The following FUT8 variants were observed in gnomAD, a reference collection of about 807,000 sequenced individuals.
The protein encoded by FUT8 is fucosyltransferase 8.
A neutral mutation model predicts 71.3 loss-of-function variants in FUT8; 29 were observed. The observed-to-expected ratio is 0.41, with a 90% CI of 0.30 to 0.55. The LOEUF is 0.55. FUT8 is among the 20% of genes least tolerant of loss of function. The pLI, the probability that FUT8 is intolerant of heterozygous loss-of-function variation, is 0.34. For synonymous variants in FUT8, 254 were observed against 239.3 expected (o/e 1.06, Z -0.57); for missense variants, 544 against 702.1 (o/e 0.77, Z 2.55).
Position 65,412,789 on chromosome 14 carries a change from C to T in FUT8, c.-751C>T, listed in dbSNP as rs1208623441. ...CCCCGCCTGCGCTCGTTGTCAGAGCCGCTCCGGCGCGTGCGCGCGTTATCT... is the reference window on the plus strand; with the variant it reads ...CCCCGCCTGCGCTCGTTGTCAGAGCTGCTCCGGCGCGTGCGCGCGTTATCT... On this transcript the variant is annotated 5_prime_UTR_variant, in exon 1 of 11. Coordinates refer to ENST00000673929, the MANE Select transcript of FUT8 (RefSeq NM_001371533.1). 1 of 169,274 alleles carries T rather than the reference C, an allele frequency of 5.9e-6. No individual in the cohort carries two copies. The highest frequency in any genetic ancestry group is 6.4e-5 in the Admixed American group (1 of 15,536). The allele number at this position is 169,274 out of a possible 1,614,324, so 10.5% of individuals were successfully genotyped here. A position where few individuals can be genotyped will look rare whatever the true frequency, so the allele number is the denominator to read the frequency against.
At chr14:65,696,705 A>G (rs906934541) in intron 7 of FUT8, among the ~76,000 whole-genome samples, 3 of 151,888 alleles carry the variant, frequency 2.0e-5, no homozygotes, top group Non-Finnish European at 2.9e-5. Context: ...CATTACATGT[A>G]TGTCCACCTT....
At chr14:65,624,435 A>C (rs1442659379) in intron 5 of FUT8, among the ~76,000 whole-genome samples, 1 of 152,242 alleles carries the variant, frequency 6.6e-6, no homozygotes, top group Admixed American at 6.5e-5. Flanking sequence ...ATTTATTAAA[A>C]AAAGTAGAGA....
chr14:65,680,293 T>C (rs1721508520), intron 7 of FUT8, among the ~76,000 whole-genome samples: 1 of 152,242 alleles, frequency 6.6e-6, no homozygotes, highest in Admixed American at 6.5e-5. Context: ...CCTAAAGATA[T>C]TCTCTTATGT....
chr14:65,711,094 C>T (rs1444847224), intron 7 of FUT8, among the ~76,000 whole-genome samples: 1 of 152,298 alleles, frequency 6.6e-6, no homozygotes, highest in Non-Finnish European at 1.5e-5. Context: ...CCACCTCCAG[C>T]ACTCCAACAC....
At chr14:65,362,337 G>T in the FUT8 span, among the ~76,000 whole-genome samples, 1 of 152,190 alleles carries the variant, frequency 6.6e-6, no homozygotes, top group African/African-American at 2.4e-5. Context: ...TTGAGGGAAA[G>T]AATACAGGAA....
Position 65,616,068 on chromosome 14 carries a change from A to C in FUT8, c.294A>C (p.Glu98Asp). 1 of 1,613,978 alleles carries C rather than the reference A, an allele frequency of 6.2e-7. No individual in the cohort carries two copies. Among genetic ancestry groups the C allele is most frequent in the Non-Finnish European group, 8.5e-7 (1 of 1,179,884 alleles). Residue 98 changes from glutamate (E) to aspartate (D), a missense_variant, in exon 4 of 11, where the codon GAA (glutamate) becomes GAC (aspartate). Glu to Asp is a conservative substitution (Grantham distance 45). Coordinates refer to ENST00000673929, the MANE Select transcript of FUT8 (RefSeq NM_001371533.1). ...TTGTTAAGGCCAAAGAACAGATTGAAAATTACAAGAAACAGACCAGAAATG... is the reference window on the plus strand; with the variant it reads ...TTGTTAAGGCCAAAGAACAGATTGACAATTACAAGAAACAGACCAGAAATG... Reference protein sequence around the residue: ...EQLVKAKEQIENYKKQTRNGL... With the variant: ...EQLVKAKEQIDNYKKQTRNGL...
rs1025622312 is a variant in FUT8, at chr14:65,539,819, A to G, written c.-227-21518A>G. Among the ~76,000 whole-genome samples, 4 of 152,352 alleles carry G rather than the reference A, an allele frequency of 2.6e-5. No individual in the cohort carries two copies. In the South Asian group the frequency reaches 8.3e-4, roughly 32 times the overall value. The stretch of plus-strand genomic sequence containing the variant: ...ATAATGAAGCATATATGTCTGTGGA[A>G]TAAGTATGGATCCAATATTTGTGGC... On this transcript the variant is annotated intron_variant, in intron 2 of 10. Transcript: ENST00000673929.
chr14:65,638,744 A>T lies in FUT8; in HGVS notation c.597+9138A>T, dbSNP rs1227195742. ...ATAGATTTAAAGCCAGAATATAACT[A>T]TATACGTTATTTATGTGCTTGTATA... On this transcript the variant is annotated intron_variant, in intron 6 of 10. Coordinates refer to ENST00000673929, the MANE Select transcript of FUT8 (RefSeq NM_001371533.1). This position sits in a 1 kb window ranked among gnomAD's most constrained non-coding sequence, Gnocchi z 4.5. Among the ~76,000 whole-genome samples the T allele has an allele frequency of 6.6e-6, 1 of 152,180 alleles. No individual in the cohort carries two copies. The highest frequency in any genetic ancestry group is 1.9e-4 in the East Asian group (1 of 5,198).
the FUT8 span, among the ~76,000 whole-genome samples, chr14:65,375,487 G>C: frequency 6.6e-6 from 1 of 152,118 alleles, no homozygotes; most frequent in Admixed American, 6.6e-5. Context: ...TGGTTGTGGT[G>C]GTGCGTGCCT....
intron 1 of FUT8, among the ~76,000 whole-genome samples, chr14:65,415,338 G>C (rs1366558541): frequency 2.0e-5 from 3 of 152,130 alleles, no homozygotes; most frequent in African/African-American, 7.2e-5. Flanking sequence ...TTTGTGGAGT[G>C]AATATATTGT....
Position 65,608,029 on chromosome 14 carries a change from C to G in FUT8, c.204-7949C>G, listed in dbSNP as rs1250724270. Reference sequence around the variant, plus strand: ...GCAGTGAGCCGAGATTGTGCCACTGCACTCCAGCCTGGCAACAAAGCTAGA... The same window carrying G: ...GCAGTGAGCCGAGATTGTGCCACTGGACTCCAGCCTGGCAACAAAGCTAGA... On this transcript the variant is annotated intron_variant, in intron 3 of 10. Coordinates refer to ENST00000673929, the MANE Select transcript of FUT8 (RefSeq NM_001371533.1). Among the ~76,000 whole-genome samples, 14 of 142,480 alleles carry G rather than the reference C, an allele frequency of 9.8e-5. 1 individual carries two copies. Among genetic ancestry groups the G allele is most frequent in the African/African-American group, 2.6e-4 (10 of 38,208 alleles). 93.5% of individuals were successfully genotyped at this position (142,480 alleles called of 152,430 possible). A position where few individuals can be genotyped will look rare whatever the true frequency, so the allele number is the denominator to read the frequency against.
rs111643214 is a variant in FUT8, at chr14:65,594,420, A to AG, written c.204-21556dup. On this transcript the variant is annotated intron_variant, in intron 3 of 10. Transcript: ENST00000673929. ...CCAGGTAGGGGTTTCTACGACCCCA[A>AG]GGCCCCAGGGGGTATGTTGCAATGC... Among the ~76,000 whole-genome samples the AG allele has an allele frequency of 8.0e-3, 1,212 of 152,326 alleles. 9 individuals carry two copies. The highest frequency in any genetic ancestry group is 0.024 in the African/African-American group (1,010 of 41,582).
At chr14:65,593,854 G>A (rs1371498885) in intron 3 of FUT8, among the ~76,000 whole-genome samples, 1 of 152,210 alleles carries the variant, frequency 6.6e-6, no homozygotes, top group Admixed American at 6.5e-5. Context: ...GGGATTACAG[G>A]CATGCACCAC....
the FUT8 span, among the ~76,000 whole-genome samples, chr14:65,362,959 T>C: frequency 2.6e-5 from 1 of 38,098 alleles, no homozygotes; most frequent in African/African-American, 8.7e-5. Context: ...AAGACTCTGT[T>C]TCAAAAAAAA....
chr14:65,665,348 T>A (rs1892158377), intron 6 of FUT8, among the ~76,000 whole-genome samples: 1 of 152,220 alleles, frequency 6.6e-6, no homozygotes, highest in African/African-American at 2.4e-5. Context: ...TGAACTGTTT[T>A]ACTTTTTTCA....
intron 2 of FUT8, among the ~76,000 whole-genome samples, chr14:65,497,261 A>T (rs192843452): frequency 6.6e-6 from 1 of 152,334 alleles, no homozygotes; most frequent in East Asian, 1.9e-4. Flanking sequence ...TTTTGATCAG[A>T]TCTGAAGGAC....
chr14:65,650,197 G>GCTGAGGCGGGAGA (rs1891305312), intron 6 of FUT8, among the ~76,000 whole-genome samples: 1 of 151,138 alleles, frequency 6.6e-6, no homozygotes, highest in Non-Finnish European at 1.5e-5. Context: ...TACTCGGGAG[G>GCTGAGGCGGGAGA]CTGAGGCGGG....
intron 10 of FUT8, among the ~76,000 whole-genome samples, chr14:65,735,407 T>G (rs964756776): frequency 6.6e-6 from 1 of 152,082 alleles, no homozygotes; most frequent in South Asian, 2.1e-4. Context: ...AGAACTTGGG[T>G]CCAGAGAAGC....
chr14:65,481,072 T>C (rs1721649727), intron 2 of FUT8, among the ~76,000 whole-genome samples: 1 of 151,940 alleles, frequency 6.6e-6, no homozygotes, highest in Non-Finnish European at 1.5e-5. Context: ...CCATCAGCAC[T>C]GCACAGGGTT....
Sources: allele counts gnomAD v4.1 joint callset (sites outside exome capture counted in the v4.1 genomes callset), GRCh38; gene constraint gnomAD v4.1.1; non-coding constraint Gnocchi (gnomAD v3.1); transcripts MANE v1.5; gene names NCBI Gene and HGNC (gene_info 2026-07-23, HGNC 2026-07-21).